The following DMD variants were observed in gnomAD, a reference collection of about 807,000 sequenced individuals.
The protein encoded by DMD is mutant dystrophin.
Under a neutral mutation model 330.1 loss-of-function variants are expected in DMD, and 63 were observed. The observed-to-expected ratio is 0.19, with a 90% CI of 0.16 to 0.24. The LOEUF (loss-of-function observed/expected upper bound fraction) is 0.24, where lower values mean the gene tolerates loss of function less well. DMD is among the 10% of genes least tolerant of loss of function. The pLI is 1.00. For synonymous variants in DMD, 1,223 were observed against 959.8 expected (o/e 1.27, Z -5.07); for missense variants, 3,344 against 2,684.1 (o/e 1.25, Z -5.43).
chrX:32,385,667 T>C (rs747849635), intron 33 of DMD, among the ~76,000 whole-genome samples: 6 of 97,365 alleles, frequency 6.2e-5, no homozygotes, highest in East Asian at 6.6e-4. Flanking sequence ...TGGAGAGATA[T>C]AGGCATCTTG....
At position 32,667,538 on chromosome X, in the gene DMD, C is replaced by A. The variant is rs2061379423; in HGVS notation, c.961-22386G>T. On this transcript the variant is annotated intron_variant, in intron 9 of 78. Coordinates refer to ENST00000357033, the MANE Select transcript of DMD (RefSeq NM_004006.3). ...TCATATTTCATTGGACCTTAAGTGC[C>A]ATTCTTCTAGTTTTATGGAGGAAAT... Among the ~76,000 whole-genome samples the A allele has an allele frequency of 2.7e-5, 3 of 111,084 alleles. No individual in the cohort carries two copies. In the Admixed American group the frequency reaches 2.9e-4, roughly 11 times the overall value.
chrX:32,445,518 TTTGA>T (rs1313920040), intron 27 of DMD, among the ~76,000 whole-genome samples: 1 of 110,771 alleles, frequency 9.0e-6, no homozygotes, highest in African/African-American at 3.3e-5. Context: ...TTGTGAAATA[TTTGA>T]TTAAGTTATG....
intron 1 of DMD, among the ~76,000 whole-genome samples, chrX:33,207,115 A>G (rs2051622325): frequency 9.0e-6 from 1 of 111,142 alleles, no homozygotes; most frequent in African/African-American, 3.3e-5. Context: ...TCCCTTCCTC[A>G]TTCTCATTTG....
At chrX:31,679,953 T>C (rs979751272) in intron 52 of DMD, among the ~76,000 whole-genome samples, 4 of 112,333 alleles carry the variant, frequency 3.6e-5, no homozygotes, top group African/African-American at 6.5e-5. Flanking sequence ...CAGCATTTCA[T>C]TGCCTGAAGG....
chrX:33,010,349 T>G lies in DMD; in HGVS notation c.93+9790A>C, dbSNP rs945647806. Among the ~76,000 whole-genome samples the G allele has an allele frequency of 2.8e-5, 3 of 105,528 alleles. No homozygotes were observed. In the South Asian group the frequency reaches 1.2e-3, roughly 41 times the overall value. 91.6% of individuals were successfully genotyped at this position (105,528 alleles called of 115,157 possible). On this transcript the variant is annotated intron_variant, in intron 2 of 78. Transcript: ENST00000357033. ...ATATGTATATATGTACATATATATG[T>G]GTGTATGTATATCCATATATATATA...
intron 7 of DMD, among the ~76,000 whole-genome samples, chrX:32,727,018 C>A (rs2066966293): frequency 9.0e-6 from 1 of 110,572 alleles, no homozygotes; most frequent in Admixed American, 9.7e-5. Context: ...TGGTTAAAGG[C>A]AGTCATGGTT....
At chrX:32,789,320 T>C (rs187813070) in intron 7 of DMD, among the ~76,000 whole-genome samples, 42 of 112,372 alleles carry the variant, frequency 3.7e-4, no homozygotes, top group African/African-American at 1.4e-3. Context: ...TTAGTCATTT[T>C]TTAAGGAAGA....
chrX:31,747,066 G>A (rs752478744), intron 51 of DMD, among the ~76,000 whole-genome samples: 1 of 111,412 alleles, frequency 9.0e-6, no homozygotes, highest in Non-Finnish European at 1.9e-5. Flanking sequence ...TTGATTGGGT[G>A]CTATGTGTTT....
At chrX:32,378,571 T>A (rs2097913040) in intron 34 of DMD, among the ~76,000 whole-genome samples, 1 of 110,571 alleles carries the variant, frequency 9.0e-6, no homozygotes, top group Non-Finnish European at 1.9e-5. Context: ...AACTAGATGT[T>A]CAAATACTTT....
chrX:33,115,606 G>A, intron 1 of DMD, among the ~76,000 whole-genome samples: 1 of 108,378 alleles, frequency 9.2e-6, no homozygotes, highest in East Asian at 3.0e-4. Flanking sequence ...CCGCCTCCTG[G>A]GTTCACGCCA....
rs956263090 is a variant in DMD, at chrX:31,958,120, T to A, written c.6614+10219A>T. ...TGTTTTTTTTTTTTTTTTTTTTTTTTAAAAATGGTACAGTCTTGGTGCAGC... is the reference window on the plus strand; with the variant it reads ...TGTTTTTTTTTTTTTTTTTTTTTTTAAAAAATGGTACAGTCTTGGTGCAGC... On this transcript the variant is annotated intron_variant, in intron 45 of 78. Coordinates refer to ENST00000357033, the MANE Select transcript of DMD (RefSeq NM_004006.3). Among the ~76,000 whole-genome samples, 367 of 93,049 alleles carry A rather than the reference T, an allele frequency of 3.9e-3. 3 individuals are homozygous for A. The highest frequency in any genetic ancestry group is 0.013 in the African/African-American group (316 of 25,195). The allele number at this position is 93,049 out of a possible 115,157, so 80.8% of individuals were successfully genotyped here.
At chrX:31,618,681 T>C (rs989667126) in intron 55 of DMD, among the ~76,000 whole-genome samples, 12 of 111,870 alleles carry the variant, frequency 1.1e-4, no homozygotes, top group African/African-American at 3.9e-4. Flanking sequence ...CTGACTTTTC[T>C]ATATATTCGG....
intron 49 of DMD, among the ~76,000 whole-genome samples, chrX:31,830,712 G>A (rs1360969385): frequency 8.9e-6 from 1 of 112,002 alleles, no homozygotes; most frequent in African/African-American, 3.2e-5. Context: ...CATTGAGAAC[G>A]TGAAAAATAG....
intron 67 of DMD, among the ~76,000 whole-genome samples, chrX:31,189,706 T>G (rs1236938192): frequency 8.9e-6 from 1 of 112,105 alleles, no homozygotes; most frequent in African/African-American, 3.2e-5. Flanking sequence ...TCTGCTGAAT[T>G]GAACAGTGGG....
chrX:32,949,391 T>TAGATAGATAGAC (rs1371667399), intron 2 of DMD, among the ~76,000 whole-genome samples: 19 of 76,373 alleles, frequency 2.5e-4, no homozygotes, highest in African/African-American at 3.9e-4. Flanking sequence ...GATAGATAGA[T>TAGATAGATAGAC]AGACAGACAG....
At chrX:31,638,588 C>T (rs919266550) in intron 54 of DMD, among the ~76,000 whole-genome samples, 54 of 112,325 alleles carry the variant, frequency 4.8e-4, no homozygotes, top group African/African-American at 1.7e-3. Context: ...TGTCAAATGC[C>T]CAGATGAAAT....
chrX:31,958,096 G>GTTTT (rs745655022), intron 45 of DMD, among the ~76,000 whole-genome samples: 2 of 74,591 alleles, frequency 2.7e-5, no homozygotes, highest in Non-Finnish European at 2.5e-5. Flanking sequence ...CATTTGGCCT[G>GTTTT]TTTTTTTTTT....
At chrX:33,152,419 CT>C (rs951601299) in intron 1 of DMD, among the ~76,000 whole-genome samples, 6 of 110,369 alleles carry the variant, frequency 5.4e-5, no homozygotes, top group Non-Finnish European at 1.1e-4. Flanking sequence ...GGTAATCTGC[CT>C]GCCTTGGCCT....
At chrX:33,313,214 G>T (rs2053876364) in intron 1 of DMD, among the ~76,000 whole-genome samples, 1 of 112,076 alleles carries the variant, frequency 8.9e-6, no homozygotes, top group Admixed American at 9.5e-5. Context: ...TGAATAATGA[G>T]AACCATCTGT....
Sources: gnomAD v4.1 joint callset for allele counts (sites outside exome capture counted in the v4.1 genomes callset) on GRCh38, gnomAD v4.1.1 for gene constraint, MANE v1.5 for transcripts, NCBI Gene and HGNC (gene_info 2026-07-23, HGNC 2026-07-21) for gene names.